The following EBF1 variants were observed in gnomAD, a reference collection of about 807,000 sequenced individuals.
EBF1 encodes transcription factor COE1.
In EBF1, 10 loss-of-function variants were observed where a neutral mutation model predicts 68.4. That is an observed-to-expected ratio of 0.15 (90% CI 0.09 to 0.25). EBF1 has a LOEUF of 0.25. Ranked by LOEUF, EBF1 falls within the 10% of genes least tolerant of loss-of-function variation. EBF1 has a pLI of 1.00. For synonymous variants in EBF1, 298 were observed against 299.8 expected, an observed-to-expected ratio of 0.99 and a Z score of 0.06; for missense variants, 509 against 794.4, an observed-to-expected ratio of 0.64 and a Z score of 4.32.
chr5:158,859,564 C>T (rs1006015354), intron 6 of EBF1, among the ~76,000 whole-genome samples: 3 of 152,202 alleles, frequency 2.0e-5, no homozygotes, highest in African/African-American at 7.2e-5. Flanking sequence ...CTTTGCTGAA[C>T]CTCACTGACT....
At chr5:159,032,154 A>G (rs1769040931) in intron 6 of EBF1, among the ~76,000 whole-genome samples, 1 of 152,194 alleles carries the variant, frequency 6.6e-6, no homozygotes, top group Non-Finnish European at 1.5e-5. Flanking sequence ...GAAGAATAAC[A>G]ATAGAACAAC....
chr5:158,898,476 C>A (rs1802605752), intron 6 of EBF1, among the ~76,000 whole-genome samples: 1 of 152,240 alleles, frequency 6.6e-6, no homozygotes, highest in Non-Finnish European at 1.5e-5. Flanking sequence ...TTGCTCTAAC[C>A]TTAGAATGGG....
At chr5:158,841,821 C>G (rs1055742507) in intron 6 of EBF1, among the ~76,000 whole-genome samples, 5 of 152,176 alleles carry the variant, frequency 3.3e-5, no homozygotes, top group African/African-American at 1.2e-4. Context: ...TCTTTAGAGA[C>G]AAACAATGGC....
In EBF1 at chr5:158,713,143, A is replaced by G; in HGVS notation, c.1196T>C (p.Ile399Thr). ...AATGTCGGCCGCTCTCTTCAGAATG[A>G]TTTCCTGAAAAGTCAAAGGAATATC... ...LYGMPHNNQE[I>T]ILKRAADIAE... is the part of the protein sequence containing the mutation. The change falls in exon 13 of 16, where the codon ATC becomes ACC. Residue 399 changes from isoleucine to threonine, a missense_variant. Coordinates refer to ENST00000313708, the MANE Select transcript of EBF1 (RefSeq NM_024007.5). The G allele has an allele frequency of 6.8e-7, 1 of 1,467,110 alleles. No individual in the cohort carries two copies. The highest frequency in any genetic ancestry group is 9.1e-7 in the Non-Finnish European group (1 of 1,100,076). The allele number at this position is 1,467,110 out of a possible 1,614,324, so 90.9% of individuals were successfully genotyped here. A position where few individuals can be genotyped will look rare whatever the true frequency, so the allele number is the denominator to read the frequency against.
intron 3 of EBF1, 108 bp from the exon 4 acceptor site, chr5:159,095,783 T>C: frequency 2.5e-6 from 3 of 1,178,798 alleles, no homozygotes; most frequent in Non-Finnish European, 3.7e-6. Flanking sequence ...CCCACACACA[T>C]ATCACGAAAG....
chr5:159,003,018 C>T (rs909512557), intron 6 of EBF1, among the ~76,000 whole-genome samples: 8 of 152,200 alleles, frequency 5.3e-5, no homozygotes, highest in African/African-American at 1.9e-4. Context: ...GTTTGGGATG[C>T]TTCTACTGCC....
intron 6 of EBF1, among the ~76,000 whole-genome samples, chr5:158,980,526 T>C (rs1757687083): frequency 6.6e-6 from 1 of 152,166 alleles, no homozygotes; most frequent in South Asian, 2.1e-4. Flanking sequence ...CCCAATATAG[T>C]CTTTTTTTAA....
chr5:158,729,978 G>A (rs1763758893), intron 11 of EBF1, among the ~76,000 whole-genome samples: 1 of 152,230 alleles, frequency 6.6e-6, no homozygotes, highest in South Asian at 2.1e-4. Context: ...CAGCACACGG[G>A]TAGGATTTGA....
chr5:158,966,297 A>G (rs533484498), intron 6 of EBF1, among the ~76,000 whole-genome samples: 1 of 152,346 alleles, frequency 6.6e-6, no homozygotes, highest in African/African-American at 2.4e-5. Context: ...GTTAATTTTG[A>G]TTAAGCCTGA....
chr5:158,770,621 C>A (rs1773671525), intron 10 of EBF1, among the ~76,000 whole-genome samples: 1 of 152,102 alleles, frequency 6.6e-6, no homozygotes, highest in Non-Finnish European at 1.5e-5. Context: ...CACTGCAATT[C>A]TTACAGCCGT....
intron 10 of EBF1, among the ~76,000 whole-genome samples, chr5:158,762,352 A>C (rs1390614308): frequency 6.6e-6 from 1 of 152,192 alleles, no homozygotes; most frequent in Non-Finnish European, 1.5e-5. Flanking sequence ...GATATGTTTT[A>C]CTTTTTACTC....
At chr5:159,070,329 T>C (rs1777584299) in intron 6 of EBF1, among the ~76,000 whole-genome samples, 1 of 152,210 alleles carries the variant, frequency 6.6e-6, no homozygotes, top group Non-Finnish European at 1.5e-5. Context: ...ATTGTCATGA[T>C]TGTAAAAAGA....
intron 6 of EBF1, among the ~76,000 whole-genome samples, chr5:158,850,024 C>T (rs1212738732): frequency 6.6e-6 from 1 of 152,206 alleles, no homozygotes; most frequent in Non-Finnish European, 1.5e-5. Context: ...ATAATTCATA[C>T]ATGAGTATCA....
Position 159,069,401 on chromosome 5 carries a change from C to A in EBF1, c.554+3995G>T, listed in dbSNP as rs147912941. On this transcript the variant is annotated intron_variant, in intron 6 of 15. Transcript: ENST00000313708. ...CTGCAAATAAGCAACAGAAATCTAG[C>A]CAGAAACTTCAGGAGTCTGTGTGAA... Among the ~76,000 whole-genome samples the A allele has an allele frequency of 6.6e-5, 10 of 152,124 alleles. No homozygotes were observed. The East Asian group carries it at 1.7e-3, about 26-fold the overall frequency.
At chr5:158,739,112 A>G (rs1209962579) in intron 10 of EBF1, among the ~76,000 whole-genome samples, 1 of 152,196 alleles carries the variant, frequency 6.6e-6, no homozygotes, top group Non-Finnish European at 1.5e-5. Context: ...TCAAATGCTG[A>G]TTTGACTTTA....
intron 9 of EBF1, among the ~76,000 whole-genome samples, chr5:158,786,635 G>A (rs1777500272): frequency 6.6e-6 from 1 of 152,132 alleles, no homozygotes; most frequent in Non-Finnish European, 1.5e-5. Flanking sequence ...CTCAAGGCTT[G>A]TTTTTCTAAA....
intron 8 of EBF1, among the ~76,000 whole-genome samples, chr5:158,806,562 C>G (rs536752857): frequency 7.9e-5 from 12 of 152,244 alleles, no homozygotes; most frequent in Middle Eastern, 3.4e-3. Context: ...TTTCCACTCA[C>G]AAGTACAGTT....
Position 159,013,550 on chromosome 5 carries a change from A to G in EBF1, c.554+59846T>C, listed in dbSNP as rs144068019. ...TCCAATTGCAGAAGGACCCCAAGGT[A>G]CAGGGAGCATGAATGAGGCTGGAGG... On this transcript the variant is annotated intron_variant, in intron 6 of 15. Coordinates refer to ENST00000313708, the MANE Select transcript of EBF1 (RefSeq NM_024007.5). Among the ~76,000 whole-genome samples, 344 of 152,320 alleles carry G rather than the reference A, an allele frequency of 2.3e-3. 2 individuals carry two copies. The highest frequency in any genetic ancestry group is 7.5e-3 in the African/African-American group (313 of 41,574).
At chr5:158,974,509 C>T (rs534392083) in intron 6 of EBF1, among the ~76,000 whole-genome samples, 2 of 152,124 alleles carry the variant, frequency 1.3e-5, no homozygotes, top group Non-Finnish European at 2.9e-5. Context: ...GAAACATACA[C>T]GGCTTCGAGA....
Sources: gnomAD v4.1 joint callset for allele counts (sites outside exome capture counted in the v4.1 genomes callset) on GRCh38, gnomAD v4.1.1 for gene constraint, MANE v1.5 for transcripts, NCBI Gene and HGNC (gene_info 2026-07-23, HGNC 2026-07-21) for gene names.